The following WDFY3 variants were observed in gnomAD, a reference collection of about 807,000 sequenced individuals.
WDFY3 encodes WD repeat and FYVE domain-containing protein 3.
WDFY3 carries 66 observed loss-of-function variants against 409.6 expected under a neutral mutation model. The observed-to-expected ratio is 0.16, with a 90% confidence interval of 0.13 to 0.20. The LOEUF (loss-of-function observed/expected upper bound fraction) is 0.20, where lower values mean the gene tolerates loss of function less well. WDFY3 is among the 10% of genes least tolerant of loss of function. WDFY3 has a pLI of 1.00. For missense variants in WDFY3, 3,031 were observed against 4,298.1 expected (o/e 0.71, Z 8.24); for synonymous variants, 1,521 against 1,537.1 (o/e 0.99, Z 0.25).
At chr4:84,912,357 T>C (rs761864010) in intron 2 of WDFY3, among the ~76,000 whole-genome samples, 3 of 152,238 alleles carry the variant, frequency 2.0e-5, no homozygotes, top group African/African-American at 7.2e-5. Context: ...AAGCCATCAC[T>C]GCAGCTCTGC....
chr4:84,952,977 C>T (rs1184043148), intron 1 of WDFY3, among the ~76,000 whole-genome samples: 2 of 152,010 alleles, frequency 1.3e-5, no homozygotes, highest in Non-Finnish European at 2.9e-5. Flanking sequence ...TAGATGCATT[C>T]CTCATGTTCA....
chr4:84,740,492 T>G (rs1298807085), intron 38 of WDFY3, 76 bp from the exon 39 acceptor site: 1 of 1,404,998 alleles, frequency 7.1e-7, no homozygotes, highest in Non-Finnish European at 1.0e-6. Flanking sequence ...ACATGAACTT[T>G]TATTAGGTCT....
intron 67 of WDFY3, 103 bp downstream of exon 67, chr4:84,677,096 T>G: frequency 7.5e-7 from 1 of 1,339,890 alleles, no homozygotes; most frequent in Non-Finnish European, 1.0e-6. Flanking sequence ...CAAGGCATAC[T>G]GTAGTGGGGA....
intron 36 of WDFY3, among the ~76,000 whole-genome samples, chr4:84,744,745 T>C (rs982101881): frequency 4.9e-5 from 7 of 143,252 alleles, no homozygotes; most frequent in Non-Finnish European, 9.1e-5. Context: ...CCCAGCTACT[T>C]GGGAGGCTGA....
chr4:84,716,910 T>G lies in WDFY3; in HGVS notation c.7861A>C (p.Arg2621=). ...YEDIKEVHKR[R]YLLQPIAVEV... is the part of the protein sequence containing the mutation. ...AATTGACTCACCTGCAGGAGATATCTCCTTTTATGAACTTCCTTGATATCT... is the reference window on the plus strand; with the variant it reads ...AATTGACTCACCTGCAGGAGATATCGCCTTTTATGAACTTCCTTGATATCT... The change falls in exon 49 of 68, where the codon AGA becomes CGA. Residue 2621 remains arginine (R), a synonymous_variant. Transcript: ENST00000295888. 6.3e-7 allele frequency: 1 copy of G among 1,594,198 alleles called. No individual in the cohort carries two copies. The highest frequency in any genetic ancestry group is 8.5e-7 in the Non-Finnish European group (1 of 1,169,874).
rs1343992078 is a variant in WDFY3 at position 84,841,142 on chromosome 4, C to G, written c.414+12G>C. The G allele has an allele frequency of 1.3e-6, 2 of 1,584,536 alleles. No individual in the cohort carries two copies. The highest frequency in any genetic ancestry group is 2.7e-5 in the African/African-American group (2 of 72,848). On this transcript the variant is annotated intron_variant, in intron 6 of 67. Transcript: ENST00000295888. ...GACGCTGAGTTATCAAACATGAAAA[C>G]TAAGAACTTACCTGACCAGAGGAAG... is the stretch of plus-strand genomic sequence containing the variant.
intron 25 of WDFY3, among the ~76,000 whole-genome samples, chr4:84,781,759 A>G (rs994065596): frequency 1.3e-5 from 2 of 152,200 alleles, no homozygotes; most frequent in Non-Finnish European, 2.9e-5. Flanking sequence ...CAGGGCTGCT[A>G]TACTTTTGAA....
intron 46 of WDFY3, among the ~76,000 whole-genome samples, chr4:84,721,903 G>A (rs900929745): frequency 6.6e-6 from 1 of 152,040 alleles, no homozygotes; most frequent in Non-Finnish European, 1.5e-5. Context: ...ATTGTTGGAG[G>A]ACTAAATTAG....
chr4:84,751,747 T>C (rs745781205), intron 35 of WDFY3, 31 bp from the exon 36 acceptor site: 27 of 1,608,918 alleles, frequency 1.7e-5, no homozygotes, highest in Non-Finnish European at 2.3e-5. Flanking sequence ...GATACGGTAA[T>C]CACATTAGAC....
chr4:84,812,783 C>T (rs1050586572), intron 13 of WDFY3, among the ~76,000 whole-genome samples: 3 of 152,144 alleles, frequency 2.0e-5, no homozygotes, highest in African/African-American at 7.2e-5. Flanking sequence ...CCACCTCCTA[C>T]TTCCTCAAAA....
rs549559157 is a variant in WDFY3, at chr4:84,823,791, G to A, written c.1124-2240C>T. ...AACAATACCAAGTGTTACTGACAGCGTCAAGCAACTGGAACTGACATTACT... is the reference window on the plus strand; with the variant it reads ...AACAATACCAAGTGTTACTGACAGCATCAAGCAACTGGAACTGACATTACT... On this transcript the variant is annotated intron_variant, in intron 10 of 67. Coordinates refer to ENST00000295888, the MANE Select transcript of WDFY3 (RefSeq NM_014991.6). Among the ~76,000 whole-genome samples the A allele has an allele frequency of 4.6e-5, 7 of 152,274 alleles. No homozygotes were observed. In the South Asian group the frequency reaches 6.2e-4, roughly 14 times the overall value.
At chr4:84,853,975 C>A (rs1479261536) in intron 4 of WDFY3, among the ~76,000 whole-genome samples, 1 of 152,042 alleles carries the variant, frequency 6.6e-6, no homozygotes, top group Non-Finnish European at 1.5e-5. Flanking sequence ...TCATGAAACA[C>A]AGGACATTTT....
At chr4:84,937,365 T>C (rs1388648194) in intron 1 of WDFY3, among the ~76,000 whole-genome samples, 1 of 152,146 alleles carries the variant, frequency 6.6e-6, no homozygotes, top group Non-Finnish European at 1.5e-5. Flanking sequence ...TCTTTCCTAG[T>C]TCCTCCTCTT....
At position 84,696,012 on chromosome 4, in the gene WDFY3, G is replaced by T. The variant is rs767758852; in HGVS notation, c.8859C>A (p.Ala2953=). 2 of 1,614,108 alleles carry T rather than the reference G, an allele frequency of 1.2e-6. No individual in the cohort carries two copies. The highest frequency in any genetic ancestry group is 8.5e-7 in the Non-Finnish European group (1 of 1,180,016). The change falls in exon 58 of 68, where the codon GCC becomes GCA. Residue 2953 remains alanine, a synonymous_variant. Coordinates refer to ENST00000295888, the MANE Select transcript of WDFY3 (RefSeq NM_014991.6). ...YNINDPLKET[A]TIGFINNFGQ... ...CGAAGTTATTAATGAACCCAATTGT[G>T]GCTGTCTCCTTTAGTGGGTCATTGA... is the stretch of plus-strand genomic sequence containing the variant.
intron 38 of WDFY3, among the ~76,000 whole-genome samples, chr4:84,741,531 T>C (rs985623590): frequency 6.6e-6 from 1 of 152,078 alleles, no homozygotes; most frequent in African/African-American, 2.4e-5. Flanking sequence ...GTCAGGCTGG[T>C]CTCCAACTTC....
intron 35 of WDFY3, among the ~76,000 whole-genome samples, chr4:84,752,140 C>A (rs1740630771): frequency 6.6e-6 from 1 of 151,790 alleles, no homozygotes; most frequent in Non-Finnish European, 1.5e-5. Flanking sequence ...TAAAAAAACC[C>A]CAAATAAATT....
intron 1 of WDFY3, among the ~76,000 whole-genome samples, chr4:84,953,287 G>A (rs913257372): frequency 2.0e-5 from 3 of 151,710 alleles, no homozygotes; most frequent in Non-Finnish European, 2.9e-5. Flanking sequence ...TGAGGGTCAC[G>A]GTTGCGCAGA....
rs374949249 is a variant in WDFY3, at chr4:84,801,836, G to A, written c.2636C>T (p.Ala879Val). The A allele has an allele frequency of 3.1e-6, 5 of 1,613,954 alleles. No individual in the cohort carries two copies. The African/African-American group carries it at 6.7e-5, about 22-fold the overall frequency. Residue 879 changes from alanine to valine, a missense_variant, in exon 17 of 68, where the codon GCA (alanine) becomes GTA (valine). This residue lies in a region of WDFY3 where 1,322 missense variants were observed against 1,697.9 expected (regional missense o/e 0.78). Transcript: ENST00000295888. ...GTGCACCAGGGATTGTAAAATATTT[G>A]CCACGGCAAGTTGAAGATCCAAAGC... ...EHALDLQLAV[A>V]NILQSLVHTE...
Position 84,679,240 on chromosome 4 carries a change from G to T in WDFY3, c.9826C>A (p.Gln3276Lys), listed in dbSNP as rs1242307742. 3 of 1,515,604 alleles carry T rather than the reference G, an allele frequency of 2.0e-6. No individual in the cohort carries two copies. Among genetic ancestry groups the T allele is most frequent in the Non-Finnish European group, 2.7e-6 (3 of 1,126,892 alleles). The allele number at this position is 1,515,604 out of a possible 1,614,324, so 93.9% of individuals were successfully genotyped here. A position where few individuals can be genotyped will look rare whatever the true frequency, so the allele number is the denominator to read the frequency against. Reference sequence around the variant, plus strand: ...CTGCTGTCCTCGTCTTGGGCTTCCTGCCCTGGGTGAAGCATTGAGAGAATT... The same window carrying T: ...CTGCTGTCCTCGTCTTGGGCTTCCTTCCCTGGGTGAAGCATTGAGAGAATT... ...QEDCPEAQIG[Q>K]EAQDEDSSDS... The change falls in exon 65 of 68, where the codon CAG (glutamine) becomes AAG (lysine). Residue 3276 changes from glutamine (Q) to lysine (K), a missense_variant and splice_region_variant. Physicochemically the swap from Gln to Lys is moderately conservative, Grantham distance 53. Transcript: ENST00000295888.
Sources: gnomAD v4.1 joint callset for allele counts (sites outside exome capture counted in the v4.1 genomes callset) on GRCh38, gnomAD v4.1.1 for gene constraint, gnomAD v4.1.1 regional missense constraint, MANE v1.5 for transcripts, NCBI Gene and HGNC (gene_info 2026-07-23, HGNC 2026-07-21) for gene names.